Variants in GRB10 observed in about 807,000 individuals in gnomAD.
GRB10 encodes growth factor receptor-bound protein 10.
GRB10 carries 20 observed loss-of-function variants against 80.9 expected under a neutral mutation model. That is an observed-to-expected ratio of 0.25 (90% CI 0.17 to 0.36). The LOEUF (loss-of-function observed/expected upper bound fraction) is 0.36, where lower values mean the gene tolerates loss of function less well. GRB10 is among the 10% of genes least tolerant of loss of function. The probability of loss-of-function intolerance (pLI) is 1.00; values close to 1 mark genes in which losing one functional copy is unlikely to be tolerated. For missense variants in GRB10, 548 were observed against 747.7 expected, an observed-to-expected ratio of 0.73 and a Z score of 3.12; for synonymous variants, 291 against 291.5, an observed-to-expected ratio of 1.00 and a Z score of 0.02.
chr7:50,703,595 C>T (rs1474925846), intron 5 of GRB10, among the ~76,000 whole-genome samples: 3 of 152,152 alleles, frequency 2.0e-5, no homozygotes, highest in Admixed American at 6.5e-5. Flanking sequence ...TGAAACTGAT[C>T]GTGAAGTTTT....
At chr7:50,642,525 G>A (rs991364258) in intron 7 of GRB10, among the ~76,000 whole-genome samples, 4 of 151,920 alleles carry the variant, frequency 2.6e-5, no homozygotes, top group African/African-American at 7.3e-5. Context: ...CATATAGGTC[G>A]AGTATTGCTA....
chr7:50,593,715 G>C (rs1285775554), intron 18 of GRB10, among the ~76,000 whole-genome samples: 1 of 152,202 alleles, frequency 6.6e-6, no homozygotes, highest in Non-Finnish European at 1.5e-5. Context: ...TTTTCAGTTG[G>C]ATGACTGTAG....
At chr7:50,745,886 C>T (rs1387476271) in intron 3 of GRB10, among the ~76,000 whole-genome samples, 1 of 152,204 alleles carries the variant, frequency 6.6e-6, no homozygotes, top group South Asian at 2.1e-4. Context: ...TTTCTAGATG[C>T]TAAAGTAAAC....
intron 7 of GRB10, among the ~76,000 whole-genome samples, chr7:50,628,042 C>T (rs1215022361): frequency 6.6e-6 from 1 of 152,198 alleles, no homozygotes; most frequent in Admixed American, 6.5e-5. Context: ...TACGACAAGA[C>T]CCGGACTTGG....
At chr7:50,783,441 C>CACAA (rs915500446), upstream of GRB10, among the ~76,000 whole-genome samples, 2 of 141,620 alleles carry the variant, frequency 1.4e-5, no homozygotes, top group African/African-American at 5.4e-5. Flanking sequence ...ACACCTCACA[C>CACAA]ACACACCACA....
intron 17 of GRB10, among the ~76,000 whole-genome samples, chr7:50,602,877 A>G (rs796954862): frequency 5.9e-5 from 9 of 152,306 alleles, no homozygotes; most frequent in African/African-American, 2.2e-4. Context: ...AAAATTTAGG[A>G]TATCTGAAAT....
At chr7:50,759,021 A>C (rs1200772613) in intron 2 of GRB10, among the ~76,000 whole-genome samples, 1 of 151,836 alleles carries the variant, frequency 6.6e-6, no homozygotes, top group African/African-American at 2.4e-5. Context: ...CTGTTTCTAC[A>C]AATAAAAATC....
chr7:50,724,042 C>A (rs766750806), intron 4 of GRB10, among the ~76,000 whole-genome samples: 2 of 152,222 alleles, frequency 1.3e-5, no homozygotes, highest in Non-Finnish European at 2.9e-5. Flanking sequence ...GGCACAGATG[C>A]TGTCCCCCAT....
At chr7:50,694,040 C>T (rs1347652188) in intron 5 of GRB10, among the ~76,000 whole-genome samples, 2 of 152,162 alleles carry the variant, frequency 1.3e-5, no homozygotes, top group Non-Finnish European at 2.9e-5. Flanking sequence ...GGTGGGACCA[C>T]TTCGTCTGTG....
chr7:50,693,242 G>C (rs1337442550), intron 5 of GRB10, among the ~76,000 whole-genome samples: 2 of 152,000 alleles, frequency 1.3e-5, no homozygotes, highest in Admixed American at 1.3e-4. Flanking sequence ...ATTTTTTCTT[G>C]ATCTATTTTA....
chr7:50,744,202 G>A (rs949626593), intron 3 of GRB10, among the ~76,000 whole-genome samples: 4 of 152,156 alleles, frequency 2.6e-5, no homozygotes, highest in East Asian at 1.9e-4. Context: ...GCAACACCAC[G>A]ACCACAGGAC....
intron 4 of GRB10, among the ~76,000 whole-genome samples, chr7:50,715,893 A>G (rs1417265534): frequency 1.3e-5 from 2 of 152,168 alleles, no homozygotes; most frequent in African/African-American, 4.8e-5. Flanking sequence ...CATGATCCAC[A>G]TGACGCAGCC....
intron 13 of GRB10, among the ~76,000 whole-genome samples, chr7:50,607,667 T>C (rs2048775457): frequency 6.6e-6 from 1 of 152,214 alleles, no homozygotes; most frequent in Admixed American, 6.5e-5. Context: ...CACAGAGGAA[T>C]GAGGCAAGCT....
intron 3 of GRB10, among the ~76,000 whole-genome samples, chr7:50,749,130 G>GTTTTTTTTTTTTT (rs71018483): frequency 2.1e-5 from 3 of 139,542 alleles, no homozygotes; most frequent in African/African-American, 8.1e-5. Context: ...TTGTTTTTTT[G>GTTTTTTTTTTTTT]TTTGTTTTTT....
chr7:50,599,650 G>T (rs570961896), intron 17 of GRB10, among the ~76,000 whole-genome samples: 1 of 152,370 alleles, frequency 6.6e-6, no homozygotes, highest in Admixed American at 6.5e-5. Context: ...AATAAGACGG[G>T]CGGCACCAGC....
In GRB10 at chr7:50,681,010, T is replaced by A. The variant is rs2153648404; in HGVS notation, c.140-6352A>T. Reference sequence around the variant, plus strand: ...TACAGATAACACAAAATATGGAGACTACTGATTCTCTGCTTTCATAAAATC... The same window carrying A: ...TACAGATAACACAAAATATGGAGACAACTGATTCTCTGCTTTCATAAAATC... On this transcript the variant is annotated intron_variant, in intron 5 of 18. Transcript: ENST00000401949. Among the ~76,000 whole-genome samples the A allele has an allele frequency of 1.3e-5, 2 of 152,342 alleles. 1 individual carries two copies. The highest frequency in any genetic ancestry group is 4.1e-4 in the South Asian group (2 of 4,834).
At chr7:50,704,838 G>A (rs905967584) in intron 4 of GRB10, among the ~76,000 whole-genome samples, 3 of 152,152 alleles carry the variant, frequency 2.0e-5, no homozygotes, top group South Asian at 4.1e-4. Context: ...CCACAGAGGC[G>A]GCCACTGAGG....
chr7:50,772,462 C>T (rs747221483), intron 2 of GRB10, among the ~76,000 whole-genome samples: 1 of 152,182 alleles, frequency 6.6e-6, no homozygotes, highest in Non-Finnish European at 1.5e-5. Flanking sequence ...ATAAATTCCA[C>T]AGCAAACATC....
chr7:50,595,786 A>G (rs1454892855), intron 17 of GRB10: 1 of 450,692 alleles, frequency 2.2e-6, no homozygotes, highest in Non-Finnish European at 4.1e-6. Context: ...ATGCCTGACT[A>G]CAGGGTTAGG....
Sources: gnomAD v4.1 joint callset for allele counts (sites outside exome capture counted in the v4.1 genomes callset) on GRCh38, gnomAD v4.1.1 for gene constraint, MANE v1.5 for transcripts, NCBI Gene and HGNC (gene_info 2026-07-23, HGNC 2026-07-21) for gene names.